The following FRMD4A variants were observed in gnomAD, a reference collection of about 807,000 sequenced individuals.
FRMD4A encodes the protein FERM domain-containing protein 4A.
A neutral mutation model predicts 129.1 loss-of-function variants in FRMD4A; 29 were observed. The observed-to-expected ratio is 0.22, with a 90% CI of 0.17 to 0.31. FRMD4A has a LOEUF of 0.31. Ranked by LOEUF, FRMD4A falls within the 10% of genes least tolerant of loss-of-function variation. The pLI is 1.00. For missense variants in FRMD4A, 1,272 were observed against 1,375.8 expected (o/e 0.92, Z 1.19); for synonymous variants, 634 against 571.6 (o/e 1.11, Z -1.56).
intron 14 of FRMD4A, among the ~76,000 whole-genome samples, chr10:13,696,609 T>C (rs1371706081): frequency 6.6e-6 from 1 of 152,206 alleles, no homozygotes; most frequent in African/African-American, 2.4e-5. Context: ...ACTTGTGTGA[T>C]GGCACACGCC....
In FRMD4A at chr10:13,891,821, C is replaced by T. The variant is rs1041723647; in HGVS notation, c.46-32909G>A. 3 of 805,610 alleles carry T rather than the reference C, an allele frequency of 3.7e-6. No homozygotes were observed. In the African/African-American group the frequency reaches 5.6e-5, roughly 15 times the overall value. The allele number at this position is 805,610 out of a possible 1,614,324, so 49.9% of individuals were successfully genotyped here. On this transcript the variant is annotated intron_variant, in intron 2 of 24. Transcript: ENST00000357447. Reference sequence around the variant, plus strand: ...CCTCGGCGTCAGCCCATAGCCCGCTCGCGCCTCTCGCGCCGAGCCTGGCCC... The same window carrying T: ...CCTCGGCGTCAGCCCATAGCCCGCTTGCGCCTCTCGCGCCGAGCCTGGCCC...
At chr10:13,787,877 GA>G (rs35463521) in intron 5 of FRMD4A, among the ~76,000 whole-genome samples, 121,289 of 146,432 alleles carry the variant, frequency 0.83, 51,648 homozygotes, top group Non-Finnish European at 0.93. Flanking sequence ...CAAAAAAAAA[GA>G]AAAAAAAAAA....
At chr10:13,824,819 C>T (rs1200938175) in intron 3 of FRMD4A, among the ~76,000 whole-genome samples, 5 of 146,590 alleles carry the variant, frequency 3.4e-5, no homozygotes, top group Admixed American at 7.1e-5. Flanking sequence ...CGCTTGAACC[C>T]GGGAGGCAGA....
At chr10:13,793,472 C>T (rs2093048536) in intron 5 of FRMD4A, among the ~76,000 whole-genome samples, 1 of 152,114 alleles carries the variant, frequency 6.6e-6, no homozygotes, top group Non-Finnish European at 1.5e-5. Flanking sequence ...CTACCATGGC[C>T]CTCTTTTATC....
intron 2 of FRMD4A, among the ~76,000 whole-genome samples, chr10:13,911,324 T>G (rs1320825777): frequency 6.6e-6 from 1 of 152,188 alleles, no homozygotes; most frequent in Non-Finnish European, 1.5e-5. Context: ...CAATTAATCT[T>G]TTGTAACCTC....
chr10:14,091,361 T>C (rs1234025249), intron 2 of FRMD4A, among the ~76,000 whole-genome samples: 1 of 152,202 alleles, frequency 6.6e-6, no homozygotes, highest in South Asian at 2.1e-4. Context: ...AATTGCGCTG[T>C]GTGTATAAAG....
rs547044841 is a variant in FRMD4A at position 14,126,449 on chromosome 10, G to A, written c.45+203609C>T. Among the ~76,000 whole-genome samples the A allele has an allele frequency of 1.1e-4, 17 of 151,964 alleles. No homozygotes were observed. The South Asian group carries it at 2.5e-3, about 22-fold the overall frequency. ...CTCCTAAAGTTCTGGGATTACAGGCGTGAGCCACCGTGCCCGGCCTGCCTT... is the reference window on the plus strand; with the variant it reads ...CTCCTAAAGTTCTGGGATTACAGGCATGAGCCACCGTGCCCGGCCTGCCTT... On this transcript the variant is annotated intron_variant, in intron 2 of 24. Transcript: ENST00000357447.
intron 2 of FRMD4A, among the ~76,000 whole-genome samples, chr10:13,964,682 T>C (rs200490354): frequency 1.3e-5 from 2 of 151,404 alleles, no homozygotes; most frequent in Non-Finnish European, 3.0e-5. Context: ...TTGTTTTTTT[T>C]TTTTTTTTGA....
intron 3 of FRMD4A, among the ~76,000 whole-genome samples, chr10:13,839,777 A>T (rs2063572611): frequency 6.6e-6 from 1 of 152,126 alleles, no homozygotes; most frequent in South Asian, 2.1e-4. Flanking sequence ...GATTGGGAGG[A>T]GTGGACTCCT....
Position 13,762,767 on chromosome 10 carries a change from G to T in FRMD4A, c.385-87C>A, listed in dbSNP as rs531888879. The T allele has an allele frequency of 4.9e-6, 4 of 809,042 alleles. No homozygotes were observed. In the African/African-American group the frequency reaches 5.1e-5, roughly 10 times the overall value. The allele number at this position is 809,042 out of a possible 1,614,324, so 50.1% of individuals were successfully genotyped here. Reference sequence around the variant, plus strand: ...ATTTTAAATGACAGCTCTTCTTCGGGAGGATTACTTGAGCCCTGGAGTTTG... The same window carrying T: ...ATTTTAAATGACAGCTCTTCTTCGGTAGGATTACTTGAGCCCTGGAGTTTG... On this transcript the variant is annotated intron_variant, in intron 6 of 24. Coordinates refer to ENST00000357447, the MANE Select transcript of FRMD4A (RefSeq NM_018027.5).
intron 3 of FRMD4A, among the ~76,000 whole-genome samples, chr10:13,828,397 G>A (rs4750425): frequency 0.78 from 118,382 of 151,984 alleles, 46,232 homozygotes; most frequent in East Asian, 0.9. Flanking sequence ...TGTGTATTTG[G>A]CTTTTTGTTT....
chr10:13,919,182 TAGC>T (rs1381713804), intron 2 of FRMD4A, among the ~76,000 whole-genome samples: 1 of 152,192 alleles, frequency 6.6e-6, no homozygotes, highest in African/African-American at 2.4e-5. Flanking sequence ...AAAAGTCTCT[TAGC>T]AGAAAAGGTT....
chr10:14,132,333 C>T (rs1050955844), intron 2 of FRMD4A, among the ~76,000 whole-genome samples: 2 of 152,072 alleles, frequency 1.3e-5, no homozygotes, highest in Non-Finnish European at 1.5e-5. Context: ...AACATCCAAT[C>T]GTGGGAGCTC....
At chr10:13,924,557 C>T (rs1019046559) in intron 2 of FRMD4A, among the ~76,000 whole-genome samples, 2 of 152,154 alleles carry the variant, frequency 1.3e-5, no homozygotes, top group Admixed American at 1.3e-4. Flanking sequence ...CAGTCCCTGA[C>T]CACTCAGTCA....
intron 2 of FRMD4A, among the ~76,000 whole-genome samples, chr10:14,161,614 G>A (rs1840891021): frequency 6.6e-6 from 1 of 152,178 alleles, no homozygotes; most frequent in Non-Finnish European, 1.5e-5. Context: ...TAAAATAGTT[G>A]ATCTCGTAGA....
At chr10:13,676,778 A>T (rs904749612) in intron 15 of FRMD4A, among the ~76,000 whole-genome samples, 1 of 152,178 alleles carries the variant, frequency 6.6e-6, no homozygotes, top group Non-Finnish European at 1.5e-5. Flanking sequence ...AGACAGAAAG[A>T]TACACTGTGG....
At chr10:14,068,483 G>A in intron 2 of FRMD4A, among the ~76,000 whole-genome samples, 1 of 152,154 alleles carries the variant, frequency 6.6e-6, no homozygotes, top group East Asian at 1.9e-4. Flanking sequence ...TATTTATACT[G>A]CTGTATTTTG....
chr10:13,938,854 C>T lies in FRMD4A; in HGVS notation c.46-79942G>A, dbSNP rs113027920. Among the ~76,000 whole-genome samples the T allele has an allele frequency of 7.3e-3, 1,114 of 152,158 alleles. 9 individuals are homozygous for T. Among genetic ancestry groups the T allele is most frequent in the Non-Finnish European group, 0.011 (740 of 68,004 alleles). Reference sequence around the variant, plus strand: ...GAGCAACACCGTCCTCCCCAACCTCCAACAGAGAAAGACCTGGTCCCAAAT... The same window carrying T: ...GAGCAACACCGTCCTCCCCAACCTCTAACAGAGAAAGACCTGGTCCCAAAT... On this transcript the variant is annotated intron_variant, in intron 2 of 24. Transcript: ENST00000357447.
At chr10:14,138,824 G>A (rs991978946) in intron 2 of FRMD4A, among the ~76,000 whole-genome samples, 2 of 152,052 alleles carry the variant, frequency 1.3e-5, no homozygotes, top group South Asian at 2.1e-4. Flanking sequence ...CCCACTGCTA[G>A]CATCGGTAAT....
Sources: gnomAD v4.1 joint callset for allele counts (sites outside exome capture counted in the v4.1 genomes callset) on GRCh38, gnomAD v4.1.1 for gene constraint, MANE v1.5 for transcripts, NCBI Gene and HGNC (gene_info 2026-07-23, HGNC 2026-07-21) for gene names.